Variants in ADAMTS20 observed in about 807,000 individuals in gnomAD.
ADAMTS20 encodes ADAM metallopeptidase with thrombospondin type 1 motif 20.
ADAMTS20 carries 225 observed loss-of-function variants against 260.1 expected under a neutral mutation model. That is an observed-to-expected ratio of 0.87 (90% CI 0.78 to 0.97). ADAMTS20 has a LOEUF of 0.97. Ranked by LOEUF, ADAMTS20 falls within the 50% of genes least tolerant of loss-of-function variation. ADAMTS20 has a pLI of 0.00. For synonymous variants in ADAMTS20, 802 were observed against 769.5 expected, an observed-to-expected ratio of 1.04 and a Z score of -0.70; for missense variants, 2,400 against 2,337.7, an observed-to-expected ratio of 1.03 and a Z score of -0.55.
chr12:43,429,466 T>C (rs1278921937), intron 24 of ADAMTS20, 151 bp downstream of exon 24: 2 of 551,882 alleles, frequency 3.6e-6, no homozygotes, highest in Non-Finnish European at 6.2e-6. Context: ...GACTTAGCCA[T>C]TAATTCCTAA....
chr12:43,503,844 T>C (rs1942803192), intron 3 of ADAMTS20, among the ~76,000 whole-genome samples: 1 of 152,194 alleles, frequency 6.6e-6, no homozygotes, highest in Non-Finnish European at 1.5e-5. Context: ...ATTAGTTTGC[T>C]AAGGATAATG....
intron 7 of ADAMTS20, among the ~76,000 whole-genome samples, chr12:43,471,895 A>G (rs1319339820): frequency 1.4e-5 from 2 of 138,388 alleles, no homozygotes; most frequent in Admixed American, 1.5e-4. Flanking sequence ...AAAAAACAGA[A>G]CAGAAAAACT....
intron 2 of ADAMTS20, among the ~76,000 whole-genome samples, chr12:43,541,657 G>C (rs1332883320): frequency 6.6e-6 from 1 of 152,152 alleles, no homozygotes; most frequent in Non-Finnish European, 1.5e-5. Context: ...CTAGGAAATA[G>C]TGTATTATAC....
At chr12:43,507,743 A>G (rs1405705845) in intron 3 of ADAMTS20, among the ~76,000 whole-genome samples, 1 of 152,188 alleles carries the variant, frequency 6.6e-6, no homozygotes, top group Non-Finnish European at 1.5e-5. Flanking sequence ...ATAATCCTAA[A>G]TGCCCATCGA....
At position 43,452,280 on chromosome 12, in the gene ADAMTS20, C is replaced by A. The variant is rs761916106; in HGVS notation, c.2073G>T (p.Gln691His). The A allele has an allele frequency of 6.2e-7, 1 of 1,607,320 alleles. No individual in the cohort carries two copies. Among genetic ancestry groups the A allele is most frequent in the Non-Finnish European group, 8.5e-7 (1 of 1,177,846 alleles). Residue 691 changes from glutamine (Q) to histidine (H), a missense_variant, in exon 14 of 39, where the codon CAG becomes CAT. Gln to His is a conservative substitution (Grantham distance 24, BLOSUM62 0). Transcript: ENST00000389420. ...AAACTTATAGTTTACTTACCATACA[C>A]TGGCCTTGAACACAGATGTCATGAG... ...TETHDICVQG[Q>H]CMAAGCDHVL...
At chr12:43,528,138 G>A (rs1361809165) in intron 3 of ADAMTS20, among the ~76,000 whole-genome samples, 1 of 151,548 alleles carries the variant, frequency 6.6e-6, no homozygotes, top group African/African-American at 2.4e-5. Flanking sequence ...TAACCAAGGA[G>A]GTGAAAGATC....
intron 3 of ADAMTS20, among the ~76,000 whole-genome samples, chr12:43,515,950 A>T (rs888154731): frequency 2.6e-5 from 4 of 152,216 alleles, no homozygotes; most frequent in Admixed American, 2.0e-4. Flanking sequence ...TTTAACACCA[A>T]GAAAAATCTA....
At chr12:43,481,734 T>G (rs1023933424) in intron 7 of ADAMTS20, among the ~76,000 whole-genome samples, 1 of 152,172 alleles carries the variant, frequency 6.6e-6, no homozygotes. Flanking sequence ...TTTGTTTTAT[T>G]TTTTTTCTCC....
At chr12:43,389,333 G>C (rs1166592017) in intron 29 of ADAMTS20, among the ~76,000 whole-genome samples, 1 of 152,174 alleles carries the variant, frequency 6.6e-6, no homozygotes. Flanking sequence ...GCAAGCCATA[G>C]GGTAGACATT....
At chr12:43,433,164 G>A (rs993625946) in intron 19 of ADAMTS20, among the ~76,000 whole-genome samples, 18 of 152,086 alleles carry the variant, frequency 1.2e-4, no homozygotes, top group Admixed American at 7.2e-4. Context: ...TAAGTATTTC[G>A]ATTTTATGAC....
chr12:43,366,334 A>G (rs1368110279), intron 37 of ADAMTS20, among the ~76,000 whole-genome samples: 2 of 151,952 alleles, frequency 1.3e-5, no homozygotes, highest in Non-Finnish European at 2.9e-5. Context: ...TAAATGAAAC[A>G]AAACAAAATA....
At chr12:43,512,040 T>C (rs1452987303) in intron 3 of ADAMTS20, among the ~76,000 whole-genome samples, 3 of 151,944 alleles carry the variant, frequency 2.0e-5, no homozygotes, top group African/African-American at 7.2e-5. Flanking sequence ...TTATTAATAC[T>C]ATTATCAATA....
chr12:43,546,031 A>C (rs1943437170), intron 2 of ADAMTS20, among the ~76,000 whole-genome samples: 1 of 152,210 alleles, frequency 6.6e-6, no homozygotes, highest in Non-Finnish European at 1.5e-5. Flanking sequence ...TCTCAATAAG[A>C]AAAAATATGA....
chr12:43,519,940 T>C (rs1943048720), intron 3 of ADAMTS20, among the ~76,000 whole-genome samples: 1 of 152,132 alleles, frequency 6.6e-6, no homozygotes, highest in South Asian at 2.1e-4. Context: ...TAATCCCAAT[T>C]TGCTAGAATA....
intron 38 of ADAMTS20, among the ~76,000 whole-genome samples, chr12:43,355,743 A>G (rs906145865): frequency 1.3e-5 from 2 of 152,148 alleles, no homozygotes; most frequent in African/African-American, 4.8e-5. Flanking sequence ...CACAATAACC[A>G]TAAGTAATAG....
chr12:43,399,894 G>C (rs1305949688), intron 28 of ADAMTS20, among the ~76,000 whole-genome samples: 1 of 152,008 alleles, frequency 6.6e-6, no homozygotes, highest in Non-Finnish European at 1.5e-5. Flanking sequence ...TATGAGTGAG[G>C]ACAGTGCAAT....
At chr12:43,434,441 A>T in intron 18 of ADAMTS20, 70 bp from the exon 19 acceptor site, 1 of 1,469,508 alleles carries the variant, frequency 6.8e-7, no homozygotes, top group Non-Finnish European at 9.1e-7. Flanking sequence ...TAATTATGTA[A>T]TTCTGCTAAT....
rs774616289 is a variant in ADAMTS20 at position 43,502,135 on chromosome 12, A to G, written c.867+17T>C. 1.3e-6 allele frequency: 2 copies of G among 1,523,834 alleles called. No homozygotes were observed. The highest frequency in any genetic ancestry group is 2.7e-5 in the South Asian group (2 of 75,090). The allele number at this position is 1,523,834 out of a possible 1,614,324, so 94.4% of individuals were successfully genotyped here. ...AAACATTTTAGGAAATATAAAAGTC[A>G]TATTAAGTTTACTTACAATTGACAT... On this transcript the variant is annotated intron_variant, in intron 4 of 38. Coordinates refer to ENST00000389420, the MANE Select transcript of ADAMTS20 (RefSeq NM_025003.5).
In ADAMTS20 at chr12:43,428,386, T is replaced by G. The variant is rs754969744; in HGVS notation, c.3800A>C (p.His1267Pro). The change falls in exon 26 of 39, where the codon CAC becomes CCC. Residue 1267 changes from histidine to proline, a missense_variant. His to Pro is a moderately conservative substitution (Grantham distance 77). Coordinates refer to ENST00000389420, the MANE Select transcript of ADAMTS20 (RefSeq NM_025003.5). Reference protein sequence around the residue: ...ECSLAACPPAHSHFPSSPVQP... With the variant: ...ECSLAACPPAPSHFPSSPVQP... ...CACAGGGGAACTAGGAAAGTGGCTG[T>G]GTGCAGGAGGGCAGGCTGCCAGGCT... The G allele has an allele frequency of 6.2e-7, 1 of 1,613,868 alleles. No homozygotes were observed. Among genetic ancestry groups the G allele is most frequent in the Non-Finnish European group, 8.5e-7 (1 of 1,179,856 alleles).
Sources: allele counts gnomAD v4.1 joint callset (sites outside exome capture counted in the v4.1 genomes callset), GRCh38; gene constraint gnomAD v4.1.1; transcripts MANE v1.5; gene names NCBI Gene and HGNC (gene_info 2026-07-23, HGNC 2026-07-21).